CHL1: variants seen among roughly 807,000 people sequenced by gnomAD.
The protein encoded by CHL1 is cell adhesion molecule L1 like, also known as neural cell adhesion molecule L1-like protein.
CHL1 carries 96 observed loss-of-function variants against 141.9 expected under a neutral mutation model. The ratio of observed to expected loss-of-function variants is 0.68; its 90% confidence interval spans 0.57 to 0.80. The LOEUF (loss-of-function observed/expected upper bound fraction) is 0.80, where lower values mean the gene tolerates loss of function less well. CHL1 is among the 30% of genes least tolerant of loss of function. CHL1 has a pLI of 0.00. For synonymous variants in CHL1, 613 were observed against 502.2 expected (o/e 1.22, Z -2.95); for missense variants, 1,820 against 1,457.2 (o/e 1.25, Z -4.05).
In CHL1 at chr3:222,553, A is replaced by G. The variant is rs193216355; in HGVS notation, c.-174-22060A>G. Among the ~76,000 whole-genome samples the G allele has an allele frequency of 3.0e-3, 460 of 152,346 alleles. 4 individuals are homozygous for G. Among genetic ancestry groups the G allele is most frequent in the African/African-American group, 0.01 (430 of 41,574 alleles). On this transcript the variant is annotated intron_variant, in intron 1 of 27. Coordinates refer to ENST00000256509, the MANE Select transcript of CHL1 (RefSeq NM_006614.4). ...AGGTAATTCCTTTGACGGACATTAC[A>G]TGATTACTAGGGAAAAGTAAATGGA...
rs991154298 is a variant in CHL1, at chr3:389,382, T to C, written c.2378T>C (p.Val793Ala). ...ACATTGCGGGTGATGACGCCTGCTG[T>C]CTATGCCCCTTATGATGTCAAGGTC... is the stretch of plus-strand genomic sequence containing the variant. ...NHTLRVMTPA[V>A]YAPYDVKVQA... is the part of the protein sequence containing the mutation. The change falls in exon 20 of 28, where the codon GTC (valine) becomes GCC (alanine). Residue 793 changes from valine to alanine, a missense_variant. Coordinates refer to ENST00000256509, the MANE Select transcript of CHL1 (RefSeq NM_006614.4). The C allele has an allele frequency of 1.9e-6, 3 of 1,614,084 alleles. No individual in the cohort carries two copies. The highest frequency in any genetic ancestry group is 2.7e-5 in the African/African-American group (2 of 74,922).
chr3:316,074 T>G (rs1700133496), intron 2 of CHL1, among the ~76,000 whole-genome samples: 1 of 152,004 alleles, frequency 6.6e-6, no homozygotes, highest in African/African-American at 2.4e-5. Context: ...CACCCTACTC[T>G]TATTACCCTA....
Position 366,254 on chromosome 3 carries a change from T to TGAGGTCAG in CHL1, c.1751+143_1751+150dup, listed in dbSNP as rs1481537015. On this transcript the variant is annotated intron_variant, in intron 15 of 27. Coordinates refer to ENST00000256509, the MANE Select transcript of CHL1 (RefSeq NM_006614.4). ...GGGAGACCGAGGCGAGTGGATCACT[T>TGAGGTCAG]GAGGTCAGGAGTTCGAGACTAGCCT... The TGAGGTCAG allele has an allele frequency of 4.3e-5, 32 of 739,042 alleles. 1 individual carries two copies. In the African/African-American group the frequency reaches 4.9e-4, roughly 11 times the overall value. The allele number at this position is 739,042 out of a possible 1,614,324, so 45.8% of individuals were successfully genotyped here.
At chr3:346,670 C>A (rs1876612) in intron 9 of CHL1, among the ~76,000 whole-genome samples, 141,128 of 152,138 alleles carry the variant, frequency 0.93, 66,381 homozygotes, top group East Asian at 1. Flanking sequence ...TGTCCTAAGA[C>A]TTTTCACCTG....
chr3:217,215 C>G (rs1366818622), intron 1 of CHL1, among the ~76,000 whole-genome samples: 2 of 152,152 alleles, frequency 1.3e-5, no homozygotes, highest in African/African-American at 4.8e-5. Flanking sequence ...CAGCTGTGCT[C>G]CCAGATACAA....
At chr3:207,952 A>G (rs890962343) in intron 1 of CHL1, among the ~76,000 whole-genome samples, 1 of 152,204 alleles carries the variant, frequency 6.6e-6, no homozygotes, top group East Asian at 1.9e-4. Context: ...GTCAAGTTCA[A>G]ATAAATTGGA....
chr3:255,483 C>T (rs1447563924), intron 2 of CHL1, among the ~76,000 whole-genome samples: 2 of 139,898 alleles, frequency 1.4e-5, no homozygotes, highest in Non-Finnish European at 3.1e-5. Context: ...TGTTGACAGC[C>T]TTTTGGTGTC....
intron 15 of CHL1, among the ~76,000 whole-genome samples, chr3:375,220 C>A (rs1322651196): frequency 6.6e-6 from 1 of 152,078 alleles, no homozygotes; most frequent in Non-Finnish European, 1.5e-5. Flanking sequence ...TGGAGCATGG[C>A]TATGAAACCA....
intron 1 of CHL1, among the ~76,000 whole-genome samples, chr3:223,359 T>C (rs1161302997): frequency 6.6e-6 from 1 of 152,220 alleles, no homozygotes; most frequent in East Asian, 1.9e-4. Flanking sequence ...TATTATCTTA[T>C]GGAGGTAAGA....
chr3:345,517 T>C (rs963562886), intron 9 of CHL1, among the ~76,000 whole-genome samples: 4 of 152,038 alleles, frequency 2.6e-5, no homozygotes, highest in Admixed American at 2.0e-4. Context: ...AGGGTCTCAC[T>C]CTGTCACCCA....
intron 2 of CHL1, among the ~76,000 whole-genome samples, chr3:299,064 A>G (rs1048828894): frequency 6.6e-6 from 1 of 152,218 alleles, no homozygotes; most frequent in African/African-American, 2.4e-5. Flanking sequence ...TATTCTGCTG[A>G]CATTTATTGA....
chr3:238,021 T>A (rs1267390115), intron 1 of CHL1, among the ~76,000 whole-genome samples: 1 of 152,248 alleles, frequency 6.6e-6, no homozygotes, highest in Non-Finnish European at 1.5e-5. Context: ...TTTCTAGTTC[T>A]TACTTTATTG....
chr3:386,714 A>G (rs1707752459), intron 19 of CHL1, among the ~76,000 whole-genome samples: 1 of 152,196 alleles, frequency 6.6e-6, no homozygotes, highest in Non-Finnish European at 1.5e-5. Context: ...ATATAATCGC[A>G]TCCAAGATAG....
At chr3:211,039 C>T (rs1452194369) in intron 1 of CHL1, among the ~76,000 whole-genome samples, 1 of 152,184 alleles carries the variant, frequency 6.6e-6, no homozygotes, top group Non-Finnish European at 1.5e-5. Flanking sequence ...TACTCTTTTC[C>T]ATTTATCTGG....
intron 2 of CHL1, among the ~76,000 whole-genome samples, chr3:251,432 G>A (rs1693683850): frequency 6.6e-6 from 1 of 152,076 alleles, no homozygotes; most frequent in Non-Finnish European, 1.5e-5. Context: ...TCCGTAAAGT[G>A]GGCTCATAAT....
At chr3:303,403 C>T (rs977833830) in intron 2 of CHL1, among the ~76,000 whole-genome samples, 1 of 151,920 alleles carries the variant, frequency 6.6e-6, no homozygotes, top group South Asian at 2.1e-4. Flanking sequence ...TTTGTGTCTT[C>T]TCTTGTTTCC....
intron 2 of CHL1, among the ~76,000 whole-genome samples, chr3:286,059 C>T (rs1472163424): frequency 2.6e-5 from 4 of 151,818 alleles, no homozygotes; most frequent in Non-Finnish European, 5.9e-5. Context: ...AAGTTTATTA[C>T]CCCCATTTTC....
At chr3:387,340 T>C (rs904993786) in intron 19 of CHL1, among the ~76,000 whole-genome samples, 1 of 152,174 alleles carries the variant, frequency 6.6e-6, no homozygotes, top group Non-Finnish European at 1.5e-5. Context: ...AAGGGAAGGC[T>C]GGTGGCCTCT....
At chr3:311,541 C>A (rs1489331482) in intron 2 of CHL1, among the ~76,000 whole-genome samples, 1 of 152,082 alleles carries the variant, frequency 6.6e-6, no homozygotes, top group Non-Finnish European at 1.5e-5. Context: ...AGTCATGTGA[C>A]AACCCCAGCT....
Sources: gnomAD v4.1 joint callset for allele counts (sites outside exome capture counted in the v4.1 genomes callset) on GRCh38, gnomAD v4.1.1 for gene constraint, MANE v1.5 for transcripts, NCBI Gene and HGNC (gene_info 2026-07-23, HGNC 2026-07-21) for gene names.